The following GPR32 variants were observed in gnomAD, a reference collection of about 807,000 sequenced individuals.
GPR32 encodes the protein probable G protein-coupled receptor 32.
For missense variants in GPR32, 433 were observed against 454.1 expected (o/e 0.95, Z 0.42); for synonymous variants, 215 against 195.3 (o/e 1.10, Z -0.84).
At chr19:50,771,447 CG>C in the GPR32 span, 1 of 1,614,030 alleles carries the variant, frequency 6.2e-7, no homozygotes, top group Non-Finnish European at 8.5e-7. Flanking sequence ...TCTGTGGCGA[CG>C]GGTGATGCTC....
At position 50,770,732 on chromosome 19, in the gene GPR32, A is replaced by C. The variant is rs1236649330; in HGVS notation, c.132A>C (p.Pro44=). The change falls in exon 1 of 1, where the codon CCA becomes CCC. Residue 44 remains proline, a synonymous_variant. Coordinates refer to ENST00000270590, the MANE Select transcript of GPR32 (RefSeq NM_001506.2). ...CLSEEVGSLR[P]LTVVILSASI... is the part of the protein sequence containing the mutation. The stretch of plus-strand genomic sequence containing the variant: ...CTGAGGAGGTGGGGTCCCTCCGCCC[A>C]CTGACTGTGGTTATCCTGTCTGCGT... 2.5e-6 allele frequency: 4 copies of C among 1,613,956 alleles called. No individual in the cohort carries two copies. In the African/African-American group the frequency reaches 4.0e-5, roughly 16 times the overall value.
Position 50,771,677 on chromosome 19 carries a change from G to T in GPR32, c.*6G>T, listed in dbSNP as rs745536712. 6.3e-7 allele frequency: 1 copy of T among 1,590,596 alleles called. No homozygotes were observed. Among genetic ancestry groups the T allele is most frequent in the Non-Finnish European group, 8.6e-7 (1 of 1,167,524 alleles). ...GCAACGCCCCCCGGGAATGATGGAA[G>T]ACTTCAGCTGGAAGCTGGAAGCCGT... On this transcript the variant is annotated 3_prime_UTR_variant, in exon 1 of 1. Transcript: ENST00000270590.
chr19:50,771,387 A>G lies in GPR32; in HGVS notation c.787A>G (p.Ser263Gly). ...RPKRLLLVLV[S>G]AFFIFWSPFN... The stretch of plus-strand genomic sequence containing the variant: ...CAAGAGGCTGCTGCTGGTGCTGGTG[A>G]GCGCTTTCTTTATCTTCTGGTCCCC... The change falls in exon 1 of 1, where the codon AGC becomes GGC. Residue 263 changes from serine (S) to glycine (G), a missense_variant. By Grantham distance (56) the Ser-to-Gly change is moderately conservative (BLOSUM62 0). Coordinates refer to ENST00000270590, the MANE Select transcript of GPR32 (RefSeq NM_001506.2). The G allele has an allele frequency of 6.2e-7, 1 of 1,613,922 alleles. No individual in the cohort carries two copies. The highest frequency in any genetic ancestry group is 8.5e-7 in the Non-Finnish European group (1 of 1,179,988).
Position 50,771,038 on chromosome 19 carries a change from C to G in GPR32, c.438C>G (p.Pro146=), listed in dbSNP as rs143841096. Residue 146 remains proline (P), a synonymous_variant, in exon 1 of 1, where the codon CCC becomes CCG. Transcript: ENST00000270590. ...ACCGTTGCATCTCTGTCCTCTACCC[C>G]GTCTGGGCCCTGAACCACCGCACTG... is the stretch of plus-strand genomic sequence containing the variant. The part of the protein sequence containing the change: ...SVDRCISVLY[P]VWALNHRTVQ... The G allele has an allele frequency of 3.1e-6, 5 of 1,614,148 alleles. No individual in the cohort carries two copies. The African/African-American group carries it at 4.0e-5, about 13-fold the overall frequency.
rs1246884186 is a variant in GPR32 at position 50,770,607 on chromosome 19, G to A, written c.7G>A (p.Gly3Arg). 2 of 1,557,646 alleles carry A rather than the reference G, an allele frequency of 1.3e-6. No individual in the cohort carries two copies. The highest frequency in any genetic ancestry group is 1.4e-5 in the African/African-American group (1 of 72,594). ...ATTATGGAATGGAGAAATCATGAAT[G>A]GGGTCTCGGAGGGGACCAGAGGCTG... MN[G>R]VSEGTRGCSD... is the part of the protein sequence containing the mutation. The change falls in exon 1 of 1, where the codon GGG becomes AGG. Residue 3 changes from glycine to arginine, a missense_variant. Physicochemically the swap from Gly to Arg is moderately radical, Grantham distance 125. Transcript: ENST00000270590.
chr19:50,771,189 T>C lies in GPR32; in HGVS notation c.589T>C (p.Ser197Pro), dbSNP rs762774712. The C allele has an allele frequency of 6.8e-6, 11 of 1,614,206 alleles. No homozygotes were observed. Among genetic ancestry groups the C allele is most frequent in the Non-Finnish European group, 9.3e-6 (11 of 1,180,038 alleles). The stretch of plus-strand genomic sequence containing the variant: ...TACGCACTGCTACTTGGCGTTCAAC[T>C]CTGACAATGAGACTGCCCAGATTTG... ...GCTHCYLAFN[S>P]DNETAQIWIE... Residue 197 changes from serine (S) to proline (P), a missense_variant, in exon 1 of 1, where the codon TCT (serine) becomes CCT (proline). Ser to Pro is a moderately conservative substitution (Grantham distance 74, BLOSUM62 -1). Transcript: ENST00000270590.
At position 50,771,284 on chromosome 19, in the gene GPR32, C is replaced by A; in HGVS notation, c.684C>A (p.Pro228=). Residue 228 remains proline, a synonymous_variant, in exon 1 of 1, where the codon CCC becomes CCA. Transcript: ENST00000270590. ...ACTTCCTGCTGGGCTTCCTGGGGCC[C>A]TTAGCAATCATAGGCACCTGCGCCC... ...IGHFLLGFLG[P]LAIIGTCAHL... 6 of 1,614,070 alleles carry A rather than the reference C, an allele frequency of 3.7e-6. No individual in the cohort carries two copies. Among genetic ancestry groups the A allele is most frequent in the Non-Finnish European group, 5.1e-6 (6 of 1,180,000 alleles).
chr19:50,771,120 T>G lies in GPR32; in HGVS notation c.520T>G (p.Ser174Ala), dbSNP rs780695906. 1.2e-6 allele frequency: 2 copies of G among 1,614,212 alleles called. No individual in the cohort carries two copies. Among genetic ancestry groups the G allele is most frequent in the South Asian group, 1.1e-5 (1 of 91,086 alleles). ...GTGGCTCCTGGCCGCCGCCTTGTGC[T>G]CTGCGCACCTGAAATTCCGGACAAC... is the stretch of plus-strand genomic sequence containing the variant. ...GVWLLAAALC[S>A]AHLKFRTTRK... is the part of the protein sequence containing the mutation. Residue 174 changes from serine (S) to alanine (A), a missense_variant, in exon 1 of 1, where the codon TCT (serine) becomes GCT (alanine). Transcript: ENST00000270590.
Position 50,771,294 on chromosome 19 carries a change from A to C in GPR32, c.694A>C (p.Ile232Leu), listed in dbSNP as rs2089399258. Residue 232 changes from isoleucine to leucine, a missense_variant, in exon 1 of 1, where the codon ATA (isoleucine) becomes CTA (leucine). Transcript: ENST00000270590. ...LLGFLGPLAI[I>L]GTCAHLIRAK... ...GGGCTTCCTGGGGCCCTTAGCAATC[A>C]TAGGCACCTGCGCCCACCTCATCCG... 1 of 1,613,990 alleles carries C rather than the reference A, an allele frequency of 6.2e-7. No individual in the cohort carries two copies. Among genetic ancestry groups the C allele is most frequent in the African/African-American group, 1.3e-5 (1 of 74,914 alleles).
At position 50,770,667 on chromosome 19, in the gene GPR32, C is replaced by G; in HGVS notation, c.67C>G (p.Arg23Gly). Residue 23 changes from arginine (R) to glycine (G), a missense_variant, in exon 1 of 1, where the codon CGC (arginine) becomes GGC (glycine). Coordinates refer to ENST00000270590, the MANE Select transcript of GPR32 (RefSeq NM_001506.2). ...DRQPGVLTRDRSCSRKMNSSG... is the reference protein window; with the variant it reads ...DRQPGVLTRDGSCSRKMNSSG... ...GCAACCTGGGGTCCTGACACGTGAT[C>G]GCTCTTGTTCCAGGAAGATGAACTC... 1 of 1,613,784 alleles carries G rather than the reference C, an allele frequency of 6.2e-7. No individual in the cohort carries two copies. The highest frequency in any genetic ancestry group is 8.5e-7 in the Non-Finnish European group (1 of 1,179,848).
At position 50,771,052 on chromosome 19, in the gene GPR32, A is replaced by T. The variant is rs1006753971; in HGVS notation, c.452A>T (p.Asn151Ile). The T allele has an allele frequency of 1.7e-5, 27 of 1,613,860 alleles. No homozygotes were observed. Among genetic ancestry groups the T allele is most frequent in the African/African-American group, 2.7e-5 (2 of 74,856 alleles). Residue 151 changes from asparagine (N) to isoleucine (I), a missense_variant, in exon 1 of 1, where the codon AAC becomes ATC. Physicochemically the swap from Asn to Ile is moderately radical, Grantham distance 149 (BLOSUM62 -3). Coordinates refer to ENST00000270590, the MANE Select transcript of GPR32 (RefSeq NM_001506.2). The stretch of plus-strand genomic sequence containing the variant: ...GTCCTCTACCCCGTCTGGGCCCTGA[A>T]CCACCGCACTGTGCAGCGGGCGAGC... The part of the protein sequence containing the change: ...ISVLYPVWAL[N>I]HRTVQRASWL...
rs780806070 is a variant in GPR32 at position 50,771,060 on chromosome 19, A to T, written c.460A>T (p.Thr154Ser). The T allele has an allele frequency of 4.3e-6, 7 of 1,613,904 alleles. No homozygotes were observed. In the South Asian group the frequency reaches 7.7e-5, roughly 18 times the overall value. ...CCCCGTCTGGGCCCTGAACCACCGC[A>T]CTGTGCAGCGGGCGAGCTGGCTGGC... Reference protein sequence around the residue: ...LYPVWALNHRTVQRASWLAFG... With the variant: ...LYPVWALNHRSVQRASWLAFG... The change falls in exon 1 of 1, where the codon ACT (threonine) becomes TCT (serine). Residue 154 changes from threonine to serine, a missense_variant. Coordinates refer to ENST00000270590, the MANE Select transcript of GPR32 (RefSeq NM_001506.2).
rs773458346 is a variant in GPR32, at chr19:50,771,187, A to G, written c.587A>G (p.Asn196Ser). The change falls in exon 1 of 1, where the codon AAC (asparagine) becomes AGC (serine). Residue 196 changes from asparagine (N) to serine (S), a missense_variant. By Grantham distance (46) the Asn-to-Ser change is conservative. Coordinates refer to ENST00000270590, the MANE Select transcript of GPR32 (RefSeq NM_001506.2). ...TGTACGCACTGCTACTTGGCGTTCA[A>G]CTCTGACAATGAGACTGCCCAGATT... ...NGCTHCYLAF[N>S]SDNETAQIWI... 3 of 1,614,160 alleles carry G rather than the reference A, an allele frequency of 1.9e-6. No homozygotes were observed. The highest frequency in any genetic ancestry group is 1.1e-5 in the South Asian group (1 of 91,084).
In GPR32 at chr19:50,771,227, C is replaced by T. The variant is rs2089398783; in HGVS notation, c.627C>T (p.Val209=). The change falls in exon 1 of 1, where the codon GTC becomes GTT. Residue 209 remains valine (V), a synonymous_variant. Transcript: ENST00000270590. The part of the protein sequence containing the change: ...NETAQIWIEG[V]VEGHIIGTIG... ...CTGCCCAGATTTGGATTGAAGGGGT[C>T]GTGGAGGGACACATTATAGGGACCA... is the stretch of plus-strand genomic sequence containing the variant. 1 of 1,614,144 alleles carries T rather than the reference C, an allele frequency of 6.2e-7. No individual in the cohort carries two copies.
Position 50,771,475 on chromosome 19 carries a change from C to T in GPR32, c.875C>T (p.Pro292Leu). 4 of 1,614,180 alleles carry T rather than the reference C, an allele frequency of 2.5e-6. No individual in the cohort carries two copies. In the Admixed American group the frequency reaches 5.0e-5, roughly 20 times the overall value. Residue 292 changes from proline to leucine, a missense_variant, in exon 1 of 1, where the codon CCC (proline) becomes CTC (leucine). Transcript: ENST00000270590. ...GTGATGCTCAAGGAAATCTACCACC[C>T]CCGGATGCTGCTCATCCTCCAGGCT... ...RRVMLKEIYH[P>L]RMLLILQASF...
chr19:50,771,611 G>C lies in GPR32; in HGVS notation c.1011G>C (p.Arg337Ser), dbSNP rs762310003. The C allele has an allele frequency of 2.5e-6, 4 of 1,614,062 alleles. No individual in the cohort carries two copies. The highest frequency in any genetic ancestry group is 3.4e-6 in the Non-Finnish European group (4 of 1,180,016). Residue 337 changes from arginine (R) to serine (S), a missense_variant, in exon 1 of 1, where the codon AGG (arginine) becomes AGC (serine). Arg to Ser is a moderately radical substitution (Grantham distance 110, BLOSUM62 -1). Transcript: ENST00000270590. ...AGTCTTTGACTTCTGCCCTGGCGAG[G>C]GCGTTTGGAGAGGAGGAGTTTCTGT... ...FFQSLTSALA[R>S]AFGEEEFLSS...
chr19:50,770,513 C>A lies in GPR32; in HGVS notation c.-88C>A. On this transcript the variant is annotated 5_prime_UTR_variant, in exon 1 of 1. Coordinates refer to ENST00000270590, the MANE Select transcript of GPR32 (RefSeq NM_001506.2). Reference sequence around the variant, plus strand: ...GCAGTGATCTGTGATTGTACCTTTGCACTCCAGCCTGGGTGACAGAGCATG... The same window carrying A: ...GCAGTGATCTGTGATTGTACCTTTGAACTCCAGCCTGGGTGACAGAGCATG... 1 of 869,000 alleles carries A rather than the reference C, an allele frequency of 1.2e-6. No homozygotes were observed. The highest frequency in any genetic ancestry group is 1.7e-6 in the Non-Finnish European group (1 of 578,674). The allele number at this position is 869,000 out of a possible 1,614,324, so 53.8% of individuals were successfully genotyped here. A position where few individuals can be genotyped will look rare whatever the true frequency, so the allele number is the denominator to read the frequency against.
rs752597023 is a variant in GPR32, at chr19:50,770,805, G to A, written c.205G>A (p.Val69Ile). Residue 69 changes from valine (V) to isoleucine (I), a missense_variant, in exon 1 of 1, where the codon GTC becomes ATC. By Grantham distance (29) the Val-to-Ile change is conservative. Coordinates refer to ENST00000270590, the MANE Select transcript of GPR32 (RefSeq NM_001506.2). ...CAATGGGCTGGTGCTGTGGATGACT[G>A]TCTTCCGTATGGCACGCACGGTCTC... is the stretch of plus-strand genomic sequence containing the variant. ...LGNGLVLWMT[V>I]FRMARTVSTV... is the part of the protein sequence containing the mutation. The A allele has an allele frequency of 6.8e-6, 11 of 1,614,082 alleles. No individual in the cohort carries two copies. The East Asian group carries it at 1.6e-4, about 23-fold the overall frequency.
At position 50,771,036 on chromosome 19, in the gene GPR32, C is replaced by A; in HGVS notation, c.436C>A (p.Pro146Thr). ...SVDRCISVLYPVWALNHRTVQ... is the reference protein window; with the variant it reads ...SVDRCISVLYTVWALNHRTVQ... ...GGACCGTTGCATCTCTGTCCTCTAC[C>A]CCGTCTGGGCCCTGAACCACCGCAC... The change falls in exon 1 of 1, where the codon CCC (proline) becomes ACC (threonine). Residue 146 changes from proline to threonine, a missense_variant. Coordinates refer to ENST00000270590, the MANE Select transcript of GPR32 (RefSeq NM_001506.2). 2 of 1,614,136 alleles carry A rather than the reference C, an allele frequency of 1.2e-6. No individual in the cohort carries two copies. Among genetic ancestry groups the A allele is most frequent in the Non-Finnish European group, 1.7e-6 (2 of 1,180,040 alleles).
Sources: gnomAD v4.1 joint callset for allele counts on GRCh38, gnomAD v4.1.1 for gene constraint, MANE v1.5 for transcripts, NCBI Gene and HGNC (gene_info 2026-07-23, HGNC 2026-07-21) for gene names.